The following PIK3R1 variants were observed in gnomAD, a reference collection of about 807,000 sequenced individuals.
PIK3R1 encodes the protein phosphatidylinositol 3-kinase regulatory subunit alpha.
In PIK3R1, 29 loss-of-function variants were observed where a neutral mutation model predicts 98.0. That is an observed-to-expected ratio of 0.30 (90% CI 0.22 to 0.40). PIK3R1 has a LOEUF of 0.40. Ranked by LOEUF, PIK3R1 falls within the 10% of genes least tolerant of loss-of-function variation. PIK3R1 has a pLI of 1.00. For synonymous variants in PIK3R1, 282 were observed against 311.8 expected (o/e 0.90, Z 1.01); for missense variants, 596 against 872.7 (o/e 0.68, Z 3.99).
intron 8 of PIK3R1, chr5:68,292,674 TAAACACAA>T: frequency 7.7e-7 from 1 of 1,296,106 alleles, no homozygotes. Flanking sequence ...ATTCTTGCCT[TAAACACAA>T]TAAGAAAACA....
chr5:68,255,901 A>C (rs1745496731), intron 2 of PIK3R1, among the ~76,000 whole-genome samples: 1 of 152,178 alleles, frequency 6.6e-6, no homozygotes, highest in Admixed American at 6.5e-5. Context: ...ATCTTCAAAA[A>C]CCACAGAGCC....
intron 7 of PIK3R1, 54 bp downstream of exon 7, chr5:68,281,060 A>C: frequency 8.4e-7 from 1 of 1,193,854 alleles, no homozygotes; most frequent in Non-Finnish European, 1.2e-6. Context: ...TTAGAGCCTT[A>C]AAAAATGATG....
Position 68,297,701 on chromosome 5 carries a change from A to G in PIK3R1, c.*100A>G. Reference sequence around the variant, plus strand: ...GTCTGATCTGTGAATTGAGCTGCAGAAACGAAGCCATCTTTCTTTGGATGG... The same window carrying G: ...GTCTGATCTGTGAATTGAGCTGCAGGAACGAAGCCATCTTTCTTTGGATGG... On this transcript the variant is annotated 3_prime_UTR_variant, in exon 16 of 16. Transcript: ENST00000521381. 1.1e-6 allele frequency: 1 copy of G among 949,400 alleles called. No homozygotes were observed. Among genetic ancestry groups the G allele is most frequent in the Non-Finnish European group, 1.6e-6 (1 of 623,198 alleles). The allele number at this position is 949,400 out of a possible 1,614,324, so 58.8% of individuals were successfully genotyped here.
At chr5:68,234,655 T>C (rs1010025181) in intron 2 of PIK3R1, among the ~76,000 whole-genome samples, 1 of 152,234 alleles carries the variant, frequency 6.6e-6, no homozygotes, top group Non-Finnish European at 1.5e-5. Context: ...ATCTGTGCAG[T>C]AGCGCTAAAC....
chr5:68,283,448 G>C (rs546801351), intron 7 of PIK3R1, among the ~76,000 whole-genome samples: 34 of 152,290 alleles, frequency 2.2e-4, no homozygotes, highest in Admixed American at 5.9e-4. Flanking sequence ...TGACTTTCTA[G>C]GGTAATGGAG....
chr5:68,259,472 A>T (rs1216585126), intron 2 of PIK3R1, among the ~76,000 whole-genome samples: 1 of 152,242 alleles, frequency 6.6e-6, no homozygotes, highest in Non-Finnish European at 1.5e-5. Context: ...GCTAGAAGGC[A>T]TGACTATGGA....
At chr5:68,237,897 T>C (rs1398078795) in intron 2 of PIK3R1, among the ~76,000 whole-genome samples, 5 of 152,182 alleles carry the variant, frequency 3.3e-5, no homozygotes, top group African/African-American at 7.2e-5. Context: ...CCCAGGGAAC[T>C]GTCCTCAGGA....
At chr5:68,218,580 G>C (rs539371706) in intron 1 of PIK3R1, among the ~76,000 whole-genome samples, 6 of 152,150 alleles carry the variant, frequency 3.9e-5, no homozygotes, top group Non-Finnish European at 8.8e-5. Flanking sequence ...ATTGAATAAA[G>C]AGATGGTGAA....
At chr5:68,261,512 A>C (rs1362518905) in intron 2 of PIK3R1, among the ~76,000 whole-genome samples, 1 of 152,168 alleles carries the variant, frequency 6.6e-6, no homozygotes, top group Non-Finnish European at 1.5e-5. Context: ...TTAAAAAAAA[A>C]AGTCACAGAA....
intron 14 of PIK3R1, chr5:68,295,819 CT>C: frequency 2.2e-6 from 1 of 455,312 alleles, no homozygotes; most frequent in Non-Finnish European, 3.9e-6. Context: ...TAAGTATATA[CT>C]TTGTTTGAAT....
intron 8 of PIK3R1, 108 bp from the exon 9 acceptor site, chr5:68,292,993 G>C: frequency 1.1e-6 from 1 of 882,802 alleles, no homozygotes; most frequent in Non-Finnish European, 1.8e-6. Flanking sequence ...CTTTCCACTT[G>C]ATTTTGCTGT....
intron 7 of PIK3R1, among the ~76,000 whole-genome samples, chr5:68,284,588 T>C (rs1202813001): frequency 6.6e-6 from 1 of 152,258 alleles, no homozygotes; most frequent in Non-Finnish European, 1.5e-5. Context: ...CTTCCCGTTT[T>C]ATATGCAAGT....
chr5:68,215,777 G>C lies in PIK3R1; in HGVS notation c.-559G>C, dbSNP rs1176294242. On this transcript the variant is annotated 5_prime_UTR_variant, in exon 1 of 16. Transcript: ENST00000521381. ...AGGAGTCGCCAGCAGCTGGAGCGGA[G>C]TTGGAGGAAGCAGCGGCAGCGGCGA... 2 of 152,984 alleles carry C rather than the reference G, an allele frequency of 1.3e-5. No individual in the cohort carries two copies. The highest frequency in any genetic ancestry group is 4.8e-5 in the African/African-American group (2 of 41,404). The allele number at this position is 152,984 out of a possible 1,614,324, so 9.5% of individuals were successfully genotyped here.
At position 68,299,090 on chromosome 5, in the gene PIK3R1, T is replaced by C. The variant is rs1395750837; in HGVS notation, c.*1489T>C. On this transcript the variant is annotated 3_prime_UTR_variant, in exon 16 of 16. Transcript: ENST00000521381. The stretch of plus-strand genomic sequence containing the variant: ...CAGTGTGACTGGTCAGGTATTTCAG[T>C]TCTTAGGAAGGAAGTGCCAAGTTTG... 1.3e-5 allele frequency: 3 copies of C among 233,456 alleles called. No homozygotes were observed. Among genetic ancestry groups the C allele is most frequent in the African/African-American group, 6.6e-5 (3 of 45,330 alleles). 14.5% of individuals were successfully genotyped at this position (233,456 alleles called of 1,614,324 possible). A position where few individuals can be genotyped will look rare whatever the true frequency, so the allele number is the denominator to read the frequency against.
chr5:68,291,236 T>TAGA (rs1747369246), intron 7 of PIK3R1: 1 of 154,710 alleles, frequency 6.5e-6, no homozygotes, highest in African/African-American at 2.4e-5. Context: ...CTTGGTACTT[T>TAGA]AGAAAGCATG....
At chr5:68,263,708 C>G (rs1206840675) in intron 2 of PIK3R1, among the ~76,000 whole-genome samples, 1 of 152,120 alleles carries the variant, frequency 6.6e-6, no homozygotes, top group Non-Finnish European at 1.5e-5. Flanking sequence ...GTGATCTTTT[C>G]AAACTTTTAA....
chr5:68,294,210 T>TA (rs1747560284), intron 11 of PIK3R1, among the ~76,000 whole-genome samples: 1 of 152,226 alleles, frequency 6.6e-6, no homozygotes, highest in East Asian at 1.9e-4. Flanking sequence ...AAGGGCTATA[T>TA]ACTGCTGTGC....
chr5:68,294,714 CA>C, intron 12 of PIK3R1, 36 bp downstream of exon 12: 1 of 1,429,768 alleles, frequency 7.0e-7, no homozygotes, highest in South Asian at 1.3e-5. Context: ...TAGAGATAAC[CA>C]AAATCCTCTA....
At chr5:68,216,605 TGTTG>T (rs560034629) in intron 1 of PIK3R1, among the ~76,000 whole-genome samples, 200 of 152,282 alleles carry the variant, frequency 1.3e-3, no homozygotes, top group African/African-American at 4.5e-3. Context: ...TTGGGCAGGT[TGTTG>T]GAGGCATATT....
Sources: allele counts gnomAD v4.1 joint callset (sites outside exome capture counted in the v4.1 genomes callset), GRCh38; gene constraint gnomAD v4.1.1; transcripts MANE v1.5; gene names NCBI Gene and HGNC (gene_info 2026-07-23, HGNC 2026-07-21).